ZSWIM6: variants seen among roughly 807,000 people sequenced by gnomAD.
ZSWIM6 encodes the protein zinc finger SWIM-type containing 6.
ZSWIM6 carries 9 observed loss-of-function variants against 113.2 expected under a neutral mutation model. That is an observed-to-expected ratio of 0.08 (90% CI 0.05 to 0.14). ZSWIM6 has a LOEUF of 0.14. Among genes scored for constraint, ZSWIM6 ranks in the 10% least tolerant of loss-of-function variants. The pLI is 1.00. For synonymous variants in ZSWIM6, 611 were observed against 606.5 expected, an observed-to-expected ratio of 1.01 and a Z score of -0.11; for missense variants, 1,162 against 1,552.2, an observed-to-expected ratio of 0.75 and a Z score of 4.22.
intron 1 of ZSWIM6, chr5:61,375,374 C>T (rs1745350341): frequency 6.3e-7 from 1 of 1,589,258 alleles, no homozygotes; most frequent in Admixed American, 1.7e-5. Context: ...GAGAGCTCAT[C>T]CAAAAAAAGA....
chr5:61,513,995 G>T (rs1283383889), intron 4 of ZSWIM6, among the ~76,000 whole-genome samples: 1 of 152,046 alleles, frequency 6.6e-6, no homozygotes, highest in African/African-American at 2.4e-5. Flanking sequence ...TTTCAGTGAG[G>T]TTATGTAGAA....
At chr5:61,390,911 A>G (rs572275352) in intron 1 of ZSWIM6, 4 of 870,790 alleles carry the variant, frequency 4.6e-6, no homozygotes, top group South Asian at 2.6e-5. Context: ...TCACTTCACC[A>G]TAGTGGACAA....
At chr5:61,522,682 A>G (rs964868064) in intron 5 of ZSWIM6, among the ~76,000 whole-genome samples, 15 of 152,178 alleles carry the variant, frequency 9.9e-5, no homozygotes, top group African/African-American at 3.6e-4. Context: ...GATTGTATTT[A>G]ATAACTTCGA....
chr5:61,419,197 T>C (rs920461239), intron 1 of ZSWIM6, among the ~76,000 whole-genome samples: 1 of 152,252 alleles, frequency 6.6e-6, no homozygotes, highest in Non-Finnish European at 1.5e-5. Context: ...TTGTGGCCTA[T>C]AGATTAAAGT....
Position 61,521,442 on chromosome 5 carries a change from G to C in ZSWIM6, c.1513G>C (p.Asp505His). Reference sequence around the variant, plus strand: ...GCCTCAGGGTGCAAATGCCAACCAAGGTGAGTCTACCATAATGTTCTGCTT... The same window carrying C: ...GCCTCAGGGTGCAAATGCCAACCAACGTGAGTCTACCATAATGTTCTGCTT... ...ALPQGANANQDSSNRPHRTVF... is the reference protein window; with the variant it reads ...ALPQGANANQHSSNRPHRTVF... Residue 505 changes from aspartate (D) to histidine (H), a missense_variant and splice_region_variant, in exon 5 of 14, where the codon GAT (aspartate) becomes CAT (histidine). Physicochemically the swap from Asp to His is moderately conservative, Grantham distance 81. Coordinates refer to ENST00000252744, the MANE Select transcript of ZSWIM6 (RefSeq NM_020928.2). The C allele has an allele frequency of 6.9e-7, 1 of 1,456,686 alleles. No individual in the cohort carries two copies. Among genetic ancestry groups the C allele is most frequent in the Non-Finnish European group, 9.1e-7 (1 of 1,097,280 alleles). 90.2% of individuals were successfully genotyped at this position (1,456,686 alleles called of 1,614,324 possible).
At chr5:61,453,988 G>A (rs907294061) in intron 1 of ZSWIM6, among the ~76,000 whole-genome samples, 19 of 151,906 alleles carry the variant, frequency 1.3e-4, no homozygotes, top group African/African-American at 4.6e-4. Context: ...CTAATGATTA[G>A]TTTTATTTCC....
intron 4 of ZSWIM6, among the ~76,000 whole-genome samples, chr5:61,514,285 C>A (rs1192873073): frequency 7.7e-6 from 1 of 129,970 alleles, no homozygotes; most frequent in Non-Finnish European, 1.7e-5. Flanking sequence ...TTTTTTTTTT[C>A]ATTTGAACTT....
intron 1 of ZSWIM6, among the ~76,000 whole-genome samples, chr5:61,342,777 TACTATA>T (rs375854704): frequency 2.0e-5 from 3 of 152,340 alleles, no homozygotes; most frequent in African/African-American, 7.2e-5. Flanking sequence ...AAAATGGACA[TACTATA>T]ATATTGATCA....
At chr5:61,381,119 G>A (rs1745464843) in intron 1 of ZSWIM6, among the ~76,000 whole-genome samples, 1 of 152,176 alleles carries the variant, frequency 6.6e-6, no homozygotes, top group African/African-American at 2.4e-5. Flanking sequence ...TGGGCGTGGT[G>A]GCACGTGCCT....
chr5:61,479,498 T>G (rs768926530), intron 2 of ZSWIM6, among the ~76,000 whole-genome samples: 2 of 152,128 alleles, frequency 1.3e-5, no homozygotes, highest in African/African-American at 2.4e-5. Context: ...TTAAAAAGAT[T>G]GGTGCCAGCT....
At chr5:61,521,139 AT>A (rs1749110801) in intron 4 of ZSWIM6, 123 bp from the exon 5 acceptor site, 1 of 487,104 alleles carries the variant, frequency 2.1e-6, no homozygotes, top group African/African-American at 2.1e-5. Flanking sequence ...AAAAATTTAA[AT>A]TTAAAATTTT....
chr5:61,465,825 T>C (rs1747422203), intron 1 of ZSWIM6, among the ~76,000 whole-genome samples: 1 of 152,226 alleles, frequency 6.6e-6, no homozygotes. Flanking sequence ...TTTAAGGTAG[T>C]CTTAAAATAA....
intron 1 of ZSWIM6, among the ~76,000 whole-genome samples, chr5:61,353,572 A>G (rs1177720725): frequency 6.6e-6 from 1 of 152,172 alleles, no homozygotes; most frequent in Non-Finnish European, 1.5e-5. Context: ...CTGACCTCTG[A>G]GCAGTGTTTC....
At chr5:61,466,236 A>G (rs193140927) in intron 1 of ZSWIM6, among the ~76,000 whole-genome samples, 40 of 152,296 alleles carry the variant, frequency 2.6e-4, no homozygotes, top group African/African-American at 8.9e-4. Flanking sequence ...TAACTCATCT[A>G]CTTTACCAGG....
intron 1 of ZSWIM6, among the ~76,000 whole-genome samples, chr5:61,463,735 T>C (rs1471153538): frequency 6.6e-6 from 1 of 152,224 alleles, no homozygotes; most frequent in Non-Finnish European, 1.5e-5. Flanking sequence ...AAATAGTCTT[T>C]CATGAAGTTA....
chr5:61,494,168 A>G, intron 3 of ZSWIM6, 92 bp from the exon 4 acceptor site: 1 of 1,347,856 alleles, frequency 7.4e-7, no homozygotes. Context: ...AGAGAAACAG[A>G]GAAAAGTGGT....
chr5:61,399,664 A>G (rs1745906800), intron 1 of ZSWIM6, among the ~76,000 whole-genome samples: 1 of 152,222 alleles, frequency 6.6e-6, no homozygotes, highest in South Asian at 2.1e-4. Flanking sequence ...AACTTTGAAC[A>G]TTACAAAAAG....
At chr5:61,335,124 G>A (rs1419405953) in intron 1 of ZSWIM6, among the ~76,000 whole-genome samples, 1 of 152,250 alleles carries the variant, frequency 6.6e-6, no homozygotes, top group South Asian at 2.1e-4. Context: ...TGGGTGAGTA[G>A]TTGTAAAAGA....
At chr5:61,401,463 T>C (rs1745937849) in intron 1 of ZSWIM6, among the ~76,000 whole-genome samples, 1 of 152,094 alleles carries the variant, frequency 6.6e-6, no homozygotes, top group Non-Finnish European at 1.5e-5. Context: ...TGTTGAAAAA[T>C]TACATTTTAG....
Sources: allele counts gnomAD v4.1 joint callset (sites outside exome capture counted in the v4.1 genomes callset), GRCh38; gene constraint gnomAD v4.1.1; transcripts MANE v1.5; gene names NCBI Gene and HGNC (gene_info 2026-07-23, HGNC 2026-07-21).